Variants in LAMTOR3 observed in about 807,000 individuals in gnomAD.
LAMTOR3 encodes ragulator complex protein LAMTOR3.
In LAMTOR3, 14 loss-of-function variants were observed where a neutral mutation model predicts 20.3. That is an observed-to-expected ratio of 0.69 (90% CI 0.46 to 1.08). The LOEUF (loss-of-function observed/expected upper bound fraction) is 1.08, where lower values mean the gene tolerates loss of function less well. Among genes scored for constraint, LAMTOR3 ranks in the 50% least tolerant of loss-of-function variants. The probability of loss-of-function intolerance (pLI) is 0.00; values close to 1 mark genes in which losing one functional copy is unlikely to be tolerated. For synonymous variants in LAMTOR3, 40 were observed against 49.4 expected, an observed-to-expected ratio of 0.81 and a Z score of 0.80; for missense variants, 125 against 143.7, an observed-to-expected ratio of 0.87 and a Z score of 0.67.
chr4:99,885,165 A>C (rs1484862156), intron 5 of LAMTOR3, among the ~76,000 whole-genome samples: 1 of 152,208 alleles, frequency 6.6e-6, no homozygotes, highest in Non-Finnish European at 1.5e-5. Context: ...AATTAGCAGC[A>C]AGAGCAAATT....
intron 5 of LAMTOR3, 67 bp from the exon 6 acceptor site, chr4:99,884,192 G>A (rs1415333904): frequency 1.6e-6 from 2 of 1,220,424 alleles, no homozygotes; most frequent in South Asian, 2.4e-5. Context: ...AAACTGAAAT[G>A]TCTTAATCTT....
chr4:99,887,729 T>G (rs1030257579), intron 3 of LAMTOR3, among the ~76,000 whole-genome samples: 4 of 152,236 alleles, frequency 2.6e-5, no homozygotes, highest in Non-Finnish European at 4.4e-5. Flanking sequence ...CGGCCAGTAT[T>G]TGTGGCACTT....
At chr4:99,884,922 G>A (rs1232104811) in intron 5 of LAMTOR3, among the ~76,000 whole-genome samples, 1 of 151,772 alleles carries the variant, frequency 6.6e-6, no homozygotes, top group Admixed American at 6.6e-5. Flanking sequence ...CTGAGATCAT[G>A]CCACTGCACT....
intron 5 of LAMTOR3, among the ~76,000 whole-genome samples, chr4:99,884,825 C>G (rs759772975): frequency 6.6e-6 from 1 of 151,992 alleles, no homozygotes; most frequent in African/African-American, 2.4e-5. Flanking sequence ...ATTAGCCAGG[C>G]CTGGTGGCAC....
At chr4:99,889,135 G>T (rs763583877) in intron 3 of LAMTOR3, among the ~76,000 whole-genome samples, 7 of 152,172 alleles carry the variant, frequency 4.6e-5, no homozygotes, top group Non-Finnish European at 1.0e-4. Context: ...AACCTGGGTT[G>T]CAGTGAGCCA....
In LAMTOR3 at chr4:99,879,192, G is replaced by A. The variant is rs546314677; in HGVS notation, c.*2802C>T. The A allele has an allele frequency of 7.2e-5, 11 of 152,252 alleles. No homozygotes were observed. Among genetic ancestry groups the A allele is most frequent in the African/African-American group, 2.6e-4 (11 of 41,548 alleles). The allele number at this position is 152,252 out of a possible 1,614,324, so 9.4% of individuals were successfully genotyped here. A position where few individuals can be genotyped will look rare whatever the true frequency, so the allele number is the denominator to read the frequency against. ...TTTTAAGCCCTCACATGTATGTACT[G>A]AAGTCTTTTTTCTGGGTGAGTACAT... On this transcript the variant is annotated 3_prime_UTR_variant, in exon 7 of 7. Transcript: ENST00000499666.
At chr4:99,884,692 C>T (rs758265125) in intron 5 of LAMTOR3, among the ~76,000 whole-genome samples, 10 of 152,110 alleles carry the variant, frequency 6.6e-5, no homozygotes, top group Non-Finnish European at 1.2e-4. Flanking sequence ...GGGCCTGGCA[C>T]GGTGGCTCAC....
Position 99,884,061 on chromosome 4 carries a change from C to T in LAMTOR3, c.301+1G>A, listed in dbSNP as rs1435097836. The T allele has an allele frequency of 3.8e-6, 6 of 1,597,074 alleles. No homozygotes were observed. Among genetic ancestry groups the T allele is most frequent in the Non-Finnish European group, 5.1e-6 (6 of 1,165,970 alleles). On this transcript the variant is annotated splice_donor_variant, in intron 6 of 6. Coordinates refer to ENST00000499666, the MANE Select transcript of LAMTOR3 (RefSeq NM_021970.4). LOFTEE classifies it high-confidence loss of function. ...GTGATATTTAAGGTCATTAAACACA[C>T]CTGTATTGGCACTGCTGCTGGCTAT...
intron 6 of LAMTOR3, among the ~76,000 whole-genome samples, chr4:99,882,287 T>C (rs1339975119): frequency 6.6e-6 from 1 of 152,196 alleles, no homozygotes; most frequent in African/African-American, 2.4e-5. Context: ...TACTTACTAT[T>C]TGAGCATCCC....
At chr4:99,885,709 C>G (rs759206581) in intron 4 of LAMTOR3, 34 bp from the exon 5 acceptor site, 1 of 1,586,920 alleles carries the variant, frequency 6.3e-7, no homozygotes, top group Non-Finnish European at 8.6e-7. Context: ...AAAAATTATG[C>G]AGAGGATATG....
At chr4:99,885,471 T>C (rs900608289) in intron 5 of LAMTOR3, 71 bp downstream of exon 5, 1 of 1,305,204 alleles carries the variant, frequency 7.7e-7, no homozygotes, top group Non-Finnish European at 1.0e-6. Flanking sequence ...TAACACAAAC[T>C]ATTTTATATA....
At position 99,879,690 on chromosome 4, in the gene LAMTOR3, T is replaced by C. The variant is rs1345585429; in HGVS notation, c.*2304A>G. The C allele has an allele frequency of 4.6e-5, 7 of 152,094 alleles. No individual in the cohort carries two copies. The highest frequency in any genetic ancestry group is 1.0e-4 in the Non-Finnish European group (7 of 68,014). 9.4% of individuals were successfully genotyped at this position (152,094 alleles called of 1,614,324 possible). ...GCTTTGTTAGGTGATTTCATCATTA[T>C]GTGAACATCATACTGTACTGACAGG... On this transcript the variant is annotated 3_prime_UTR_variant, in exon 7 of 7. Coordinates refer to ENST00000499666, the MANE Select transcript of LAMTOR3 (RefSeq NM_021970.4).
chr4:99,888,265 A>T (rs1337253374), intron 3 of LAMTOR3, among the ~76,000 whole-genome samples: 1 of 152,254 alleles, frequency 6.6e-6, no homozygotes, highest in East Asian at 1.9e-4. Flanking sequence ...TGTGAAATTT[A>T]ATAATACAAG....
In LAMTOR3 at chr4:99,880,774, T is replaced by C. The variant is rs1253288130; in HGVS notation, c.*1220A>G. 1 of 152,230 alleles carries C rather than the reference T, an allele frequency of 6.6e-6. No individual in the cohort carries two copies. The highest frequency in any genetic ancestry group is 6.5e-5 in the Admixed American group (1 of 15,286). The allele number at this position is 152,230 out of a possible 1,614,324, so 9.4% of individuals were successfully genotyped here. A position where few individuals can be genotyped will look rare whatever the true frequency, so the allele number is the denominator to read the frequency against. On this transcript the variant is annotated 3_prime_UTR_variant, in exon 7 of 7. Transcript: ENST00000499666. ...TGTGCAATGTGATAGCTCGGCTGAC[T>C]GGCACACAGGTGCTCAATGCATATG... is the stretch of plus-strand genomic sequence containing the variant.
rs753916527 is a variant in LAMTOR3 at position 99,878,907 on chromosome 4, C to T, written c.*3087G>A. Reference sequence around the variant, plus strand: ...GCAGATATTTAGGTTGCTTCCAATTCTTTGACATTACCAAGTTGCAAAGAA... The same window carrying T: ...GCAGATATTTAGGTTGCTTCCAATTTTTTGACATTACCAAGTTGCAAAGAA... On this transcript the variant is annotated 3_prime_UTR_variant, in exon 7 of 7. Coordinates refer to ENST00000499666, the MANE Select transcript of LAMTOR3 (RefSeq NM_021970.4). 4.6e-5 allele frequency: 7 copies of T among 152,212 alleles called. No individual in the cohort carries two copies. Among genetic ancestry groups the T allele is most frequent in the African/African-American group, 9.6e-5 (4 of 41,454 alleles). The allele number at this position is 152,212 out of a possible 1,614,324, so 9.4% of individuals were successfully genotyped here.
chr4:99,882,546 T>C (rs1480021025), intron 6 of LAMTOR3, among the ~76,000 whole-genome samples: 1 of 152,070 alleles, frequency 6.6e-6, no homozygotes, highest in African/African-American at 2.4e-5. Context: ...ACAGAATAAA[T>C]TATATGCACT....
intron 2 of LAMTOR3, 62 bp downstream of exon 2, chr4:99,893,893 G>T: frequency 1.5e-6 from 2 of 1,327,330 alleles, no homozygotes; most frequent in South Asian, 1.8e-5. Context: ...ACCTCTCCCC[G>T]CTCAGTATGC....
Position 99,894,316 on chromosome 4 carries a change from G to A in LAMTOR3, c.-38+19C>T, listed in dbSNP as rs1428880828. 1 of 249,806 alleles carries A rather than the reference G, an allele frequency of 4.0e-6. No individual in the cohort carries two copies. Among genetic ancestry groups the A allele is most frequent in the South Asian group, 1.7e-4 (1 of 5,874 alleles). The allele number at this position is 249,806 out of a possible 1,614,324, so 15.5% of individuals were successfully genotyped here. On this transcript the variant is annotated intron_variant, in intron 1 of 6. Coordinates refer to ENST00000499666, the MANE Select transcript of LAMTOR3 (RefSeq NM_021970.4). ...CTGCGGGACTAGGCCTCAAAACCAG[G>A]CAAAGTAGCGCCAGTTACCTGGGGT...
intron 6 of LAMTOR3, among the ~76,000 whole-genome samples, chr4:99,883,727 T>C (rs1259768624): frequency 3.3e-5 from 5 of 151,572 alleles, no homozygotes; most frequent in Non-Finnish European, 7.4e-5. Flanking sequence ...CTTAAACTGC[T>C]GTAATGGGAG....
Sources: allele counts gnomAD v4.1 joint callset (sites outside exome capture counted in the v4.1 genomes callset), GRCh38; gene constraint gnomAD v4.1.1; transcripts MANE v1.5; gene names NCBI Gene and HGNC (gene_info 2026-07-23, HGNC 2026-07-21).